The following FIZ1 variants were observed in gnomAD, a reference collection of about 807,000 sequenced individuals.
FIZ1 encodes the protein FLT3 interacting zinc finger 1, also known as flt3-interacting zinc finger protein 1.
In FIZ1, 2 loss-of-function variants were observed where a neutral mutation model predicts 5.3. That is an observed-to-expected ratio of 0.37 (90% CI 0.15 to 1.18). FIZ1 has a LOEUF of 1.18. FIZ1 is among the 50% of genes most tolerant of loss of function. The pLI is 0.37. For synonymous variants in FIZ1, 407 were observed against 364.2 expected (o/e 1.12, Z -1.34); for missense variants, 631 against 749.7 (o/e 0.84, Z 1.85).
intron 1 of FIZ1, 47 bp from the exon 2 acceptor site, chr19:55,597,948 C>A: frequency 6.8e-7 from 1 of 1,476,198 alleles, no homozygotes; most frequent in South Asian, 1.3e-5. Context: ...GTCGGCTCCC[C>A]ATCAGCTCTC....
At chr19:55,597,534 C>G (rs780435322) in intron 2 of FIZ1, 38 bp downstream of exon 2, 1 of 1,588,798 alleles carries the variant, frequency 6.3e-7, no homozygotes, top group Non-Finnish European at 8.6e-7. Context: ...GTAGTCCTGA[C>G]CAGGGAGGCC....
chr19:55,594,208 G>A (rs1273119218), intron 2 of FIZ1, among the ~76,000 whole-genome samples: 4 of 151,936 alleles, frequency 2.6e-5, no homozygotes, highest in Non-Finnish European at 4.4e-5. Context: ...GATCAACATG[G>A]TGAAACCCTG....
chr19:55,594,294 G>A (rs966890729), intron 2 of FIZ1, among the ~76,000 whole-genome samples: 83 of 151,906 alleles, frequency 5.5e-4, no homozygotes, highest in Middle Eastern at 3.4e-3. Context: ...AGCCACTCAG[G>A]AGGCTGAGGT....
Position 55,598,114 on chromosome 19 carries a change from T to C in FIZ1, c.-36-213A>G, listed in dbSNP as rs577593859. On this transcript the variant is annotated intron_variant, in intron 1 of 2. Coordinates refer to ENST00000221665, the MANE Select transcript of FIZ1 (RefSeq NM_032836.3). The stretch of plus-strand genomic sequence containing the variant: ...CTGTGGCAAAATCTTCCTAATCACT[T>C]CATAGTCTCCTCACTCCACGGAGTG... The C allele has an allele frequency of 2.0e-5, 12 of 596,470 alleles. No individual in the cohort carries two copies. In the East Asian group the frequency reaches 3.4e-4, roughly 17 times the overall value. The allele number at this position is 596,470 out of a possible 1,614,324, so 36.9% of individuals were successfully genotyped here.
Position 55,592,437 on chromosome 19 carries a change from C to T in FIZ1, c.*13G>A, listed in dbSNP as rs1198643395. ...GAGGCTGGGTGGAGGGCAGGGCGCACGCAGCCTGGCAGTCAGTCCATGCCC... is the reference window on the plus strand; with the variant it reads ...GAGGCTGGGTGGAGGGCAGGGCGCATGCAGCCTGGCAGTCAGTCCATGCCC... On this transcript the variant is annotated 3_prime_UTR_variant, in exon 3 of 3. Coordinates refer to ENST00000221665, the MANE Select transcript of FIZ1 (RefSeq NM_032836.3). This position sits in a 1 kb window ranked among gnomAD's most constrained non-coding sequence, Gnocchi z 6.9. 1.3e-6 allele frequency: 2 copies of T among 1,538,798 alleles called. No homozygotes were observed. The highest frequency in any genetic ancestry group is 1.8e-6 in the Non-Finnish European group (2 of 1,139,184).
intron 2 of FIZ1, among the ~76,000 whole-genome samples, chr19:55,595,280 G>A (rs976275465): frequency 5.3e-5 from 8 of 152,156 alleles, no homozygotes; most frequent in African/African-American, 1.4e-4. Context: ...CTCCAGACTC[G>A]ATGCACCTGC....
At chr19:55,596,541 G>C (rs1324540591) in intron 2 of FIZ1, among the ~76,000 whole-genome samples, 1 of 152,114 alleles carries the variant, frequency 6.6e-6, no homozygotes, top group East Asian at 1.9e-4. Context: ...CCTGCTGCCT[G>C]GAATGCTCTT....
chr19:55,592,766 G>A lies in FIZ1; in HGVS notation c.1175C>T (p.Ala392Val), dbSNP rs1219906675. The A allele has an allele frequency of 1.2e-6, 2 of 1,602,772 alleles. No individual in the cohort carries two copies. The highest frequency in any genetic ancestry group is 1.7e-6 in the Non-Finnish European group (2 of 1,177,024). ...GGACGCCGGTTCCCTTTCCCGGGCG[G>A]CGGTCGCCGCCTCCTCCCCGCCGCC... ...GEGGGEEAAT[A>V]AREREPASGE... The change falls in exon 3 of 3, where the codon GCC becomes GTC. Residue 392 changes from alanine (A) to valine (V), a missense_variant. Ala to Val is a moderately conservative substitution (Grantham distance 64). This residue lies in a region of FIZ1 where 463 missense variants were observed against 455.1 expected (regional missense o/e 1.02). Coordinates refer to ENST00000221665, the MANE Select transcript of FIZ1 (RefSeq NM_032836.3). The surrounding 1 kb of genome is among the most constrained non-coding windows in gnomAD (Gnocchi z 6.9).
At position 55,593,085 on chromosome 19, in the gene FIZ1, G is replaced by A. The variant is rs1032867617; in HGVS notation, c.856C>T (p.Pro286Ser). Residue 286 changes from proline (P) to serine (S), a missense_variant, in exon 3 of 3, where the codon CCT becomes TCT. By Grantham distance (74) the Pro-to-Ser change is moderately conservative (BLOSUM62 -1). Coordinates refer to ENST00000221665, the MANE Select transcript of FIZ1 (RefSeq NM_032836.3). This position sits in a 1 kb window ranked among gnomAD's most constrained non-coding sequence, Gnocchi z 6.3. ...AGCAGCCTGCGGTCCGAAGCCAGAGGAGCGTCGCCCGCCTCCGCAGCGGTG... is the reference window on the plus strand; with the variant it reads ...AGCAGCCTGCGGTCCGAAGCCAGAGAAGCGTCGCCCGCCTCCGCAGCGGTG... ...EGTAAEAGDA[P>S]LASDRRLLLG... is the part of the protein sequence containing the mutation. 97 of 1,340,162 alleles carry A rather than the reference G, an allele frequency of 7.2e-5. No individual in the cohort carries two copies. Among genetic ancestry groups the A allele is most frequent in the Non-Finnish European group, 9.0e-5 (95 of 1,052,694 alleles). 83.0% of individuals were successfully genotyped at this position (1,340,162 alleles called of 1,614,324 possible).
At chr19:55,598,103 TC>T in intron 1 of FIZ1, 1 of 622,522 alleles carries the variant, frequency 1.6e-6, no homozygotes, top group South Asian at 2.1e-5. Flanking sequence ...GGCAAAATCT[TC>T]CTAATCACTT....
At chr19:55,595,471 C>T (rs1390220468) in intron 2 of FIZ1, 2 of 152,272 alleles carry the variant, frequency 1.3e-5, no homozygotes, top group African/African-American at 2.4e-5. Context: ...CGGAATCTGG[C>T]CCCCTGGCTC....
intron 2 of FIZ1, among the ~76,000 whole-genome samples, chr19:55,595,359 CACA>C (rs1384940959): frequency 1.3e-5 from 2 of 152,108 alleles, no homozygotes; most frequent in African/African-American, 4.8e-5. Flanking sequence ...ACTCTTTTAA[CACA>C]ACAAGATTAT....
At chr19:55,597,437 G>A (rs1008316597) in intron 2 of FIZ1, 135 bp downstream of exon 2, 21 of 1,426,834 alleles carry the variant, frequency 1.5e-5, no homozygotes, top group Non-Finnish European at 1.6e-5. Flanking sequence ...AGGGAGGGAG[G>A]GACATTTTCT....
In FIZ1 at chr19:55,593,652, G is replaced by C; in HGVS notation, c.295-6C>G. The stretch of plus-strand genomic sequence containing the variant: ...TTCTCACCAGTGTGGACGACCTAGG[G>C]GTGCGGGAGGAAGGGCACAACGTCA... On this transcript the variant is annotated splice_polypyrimidine_tract_variant and splice_region_variant and intron_variant, in intron 2 of 2. Transcript: ENST00000221665. The surrounding 1 kb of genome is among the most constrained non-coding windows in gnomAD (Gnocchi z 6.3). 1 of 1,550,906 alleles carries C rather than the reference G, an allele frequency of 6.4e-7. No individual in the cohort carries two copies. The highest frequency in any genetic ancestry group is 1.2e-5 in the South Asian group (1 of 84,032).
At chr19:55,594,420 G>A (rs1373950020) in intron 2 of FIZ1, among the ~76,000 whole-genome samples, 3 of 139,296 alleles carry the variant, frequency 2.2e-5, no homozygotes, top group Non-Finnish European at 3.1e-5. Context: ...AAAAAAGCCC[G>A]GGTGCGGTGG....
intron 2 of FIZ1, among the ~76,000 whole-genome samples, chr19:55,594,037 G>A (rs1042699352): frequency 2.6e-5 from 4 of 151,864 alleles, no homozygotes; most frequent in Non-Finnish European, 4.4e-5. Context: ...GCAGTAAGCC[G>A]TGACCATGCC....
chr19:55,593,302 GC>G lies in FIZ1; in HGVS notation c.638del (p.Arg213ProfsTer13). 1 of 1,256,006 alleles carries G rather than the reference GC, an allele frequency of 8.0e-7. No individual in the cohort carries two copies. The highest frequency in any genetic ancestry group is 2.0e-5 in the South Asian group (1 of 51,110). 77.8% of individuals were successfully genotyped at this position (1,256,006 alleles called of 1,614,324 possible). A position where few individuals can be genotyped will look rare whatever the true frequency, so the allele number is the denominator to read the frequency against. ...GCGCCGCCCAGTGGGCCGCCAGCTC[GC>G]GGCCGTGGTCGAAGCGCCGCGCGCA... ...GACARRFDHG[R>X]ELAAHWAAHT... is the part of the protein sequence containing the mutation. On this transcript the variant is annotated frameshift_variant, in exon 3 of 3. Transcript: ENST00000221665. LOFTEE classifies it low-confidence loss of function (END_TRUNC). This position sits in a 1 kb window ranked among gnomAD's most constrained non-coding sequence, Gnocchi z 6.3.
In FIZ1 at chr19:55,591,489, A is replaced by T. The variant is rs1979997465; in HGVS notation, c.*961T>A. On this transcript the variant is annotated 3_prime_UTR_variant, in exon 3 of 3. Transcript: ENST00000221665. ...AGCCAAATGCCCCCTTCCCCTAGGG[A>T]TTGGGAGGAAGACAGAGACAGACAA... The T allele has an allele frequency of 2.0e-5, 3 of 152,436 alleles. No individual in the cohort carries two copies. In the South Asian group the frequency reaches 6.2e-4, roughly 32 times the overall value. 9.4% of individuals were successfully genotyped at this position (152,436 alleles called of 1,614,324 possible).
Position 55,593,888 on chromosome 19 carries a change from G to A in FIZ1, c.295-242C>T, listed in dbSNP as rs1331791562. On this transcript the variant is annotated intron_variant, in intron 2 of 2. Transcript: ENST00000221665. The surrounding 1 kb of genome is among the most constrained non-coding windows in gnomAD (Gnocchi z 6.3). ...CCTGTAATCCCAGCACTCTGGGATT[G>A]CATAAGCCTAGGTGTTTGAGACCAG... is the stretch of plus-strand genomic sequence containing the variant. Among the ~76,000 whole-genome samples the A allele has an allele frequency of 1.3e-5, 2 of 151,774 alleles. No homozygotes were observed. The highest frequency in any genetic ancestry group is 2.9e-5 in the Non-Finnish European group (2 of 67,920).
Sources: allele counts gnomAD v4.1 joint callset (sites outside exome capture counted in the v4.1 genomes callset), GRCh38; gene constraint gnomAD v4.1.1; regional missense constraint gnomAD v4.1.1; non-coding constraint Gnocchi (gnomAD v3.1); transcripts MANE v1.5; gene names NCBI Gene and HGNC (gene_info 2026-07-23, HGNC 2026-07-21).